The following FHIP1A variants were observed in gnomAD, a reference collection of about 807,000 sequenced individuals.
FHIP1A encodes the protein FHF complex subunit HOOK interacting protein 1A.
In FHIP1A, 61 loss-of-function variants were observed where a neutral mutation model predicts 88.6. That is an observed-to-expected ratio of 0.69 (90% CI 0.56 to 0.85). The LOEUF is 0.85. FHIP1A is among the 40% of genes least tolerant of loss of function. FHIP1A has a pLI of 0.00. For synonymous variants in FHIP1A, 478 were observed against 496.0 expected (o/e 0.96, Z 0.48); for missense variants, 1,154 against 1,273.5 (o/e 0.91, Z 1.43).
chr4:151,471,128 C>T (rs947912821), intron 2 of FHIP1A, among the ~76,000 whole-genome samples: 3 of 152,054 alleles, frequency 2.0e-5, no homozygotes, highest in African/African-American at 7.2e-5. Context: ...ACTCCAGGGC[C>T]ATTTACCAAT....
intron 3 of FHIP1A, among the ~76,000 whole-genome samples, chr4:151,554,881 G>C (rs747877932): frequency 1.4e-4 from 21 of 152,118 alleles, no homozygotes; most frequent in Admixed American, 7.9e-4. Context: ...CTTGTAGTTA[G>C]TGTGCGTAGA....
intron 3 of FHIP1A, among the ~76,000 whole-genome samples, chr4:151,546,227 G>A (rs1427930436): frequency 1.3e-5 from 2 of 152,182 alleles, no homozygotes; most frequent in African/African-American, 4.8e-5. Flanking sequence ...AGGCTCTTCA[G>A]CCTTTGGACT....
At chr4:151,605,214 T>C (rs527973831) in intron 7 of FHIP1A, among the ~76,000 whole-genome samples, 1 of 152,304 alleles carries the variant, frequency 6.6e-6, no homozygotes, top group Non-Finnish European at 1.5e-5. Context: ...TTCTGTCAAA[T>C]GTCTTGTGAA....
chr4:151,457,514 C>T (rs970342510), intron 2 of FHIP1A, among the ~76,000 whole-genome samples: 1 of 152,282 alleles, frequency 6.6e-6, no homozygotes, highest in African/African-American at 2.4e-5. Context: ...CACAAATTCT[C>T]CATGTTCCAG....
intron 1 of FHIP1A, among the ~76,000 whole-genome samples, chr4:151,429,456 T>G (rs1159849459): frequency 6.6e-6 from 1 of 152,212 alleles, no homozygotes; most frequent in East Asian, 1.9e-4. Context: ...CCTCCTTATT[T>G]CATAGCTGCT....
At chr4:151,515,793 T>G (rs1227029880) in intron 3 of FHIP1A, among the ~76,000 whole-genome samples, 1 of 151,732 alleles carries the variant, frequency 6.6e-6, no homozygotes, top group East Asian at 1.9e-4. Context: ...CTCAAGGAAA[T>G]AAAAGAGGAT....
At chr4:151,526,897 C>T (rs1211562246) in intron 3 of FHIP1A, among the ~76,000 whole-genome samples, 3 of 147,818 alleles carry the variant, frequency 2.0e-5, no homozygotes, top group African/African-American at 7.6e-5. Context: ...GGCGGCAGGG[C>T]AGAGGCGCTC....
At chr4:151,418,262 A>G (rs1315420763) in intron 1 of FHIP1A, among the ~76,000 whole-genome samples, 3 of 151,272 alleles carry the variant, frequency 2.0e-5, no homozygotes, top group Non-Finnish European at 1.5e-5. Context: ...AACTGACTTG[A>G]TATTTACCTA....
At chr4:151,463,022 C>T (rs1212126401) in intron 2 of FHIP1A, among the ~76,000 whole-genome samples, 5 of 152,104 alleles carry the variant, frequency 3.3e-5, no homozygotes, top group African/African-American at 7.2e-5. Flanking sequence ...CAGTGTTGGC[C>T]GGTTGAGGGT....
intron 1 of FHIP1A, among the ~76,000 whole-genome samples, chr4:151,411,904 C>G (rs1364771140): frequency 6.6e-6 from 1 of 152,134 alleles, no homozygotes; most frequent in South Asian, 2.1e-4. Flanking sequence ...GAACAGTGCT[C>G]AAGAGTGACA....
At chr4:151,534,154 G>T (rs901208204) in intron 3 of FHIP1A, among the ~76,000 whole-genome samples, 11 of 152,222 alleles carry the variant, frequency 7.2e-5, no homozygotes, top group Admixed American at 2.6e-4. Context: ...GTTAGATAAA[G>T]AGTATCAGAC....
At chr4:151,544,840 G>A (rs1358587550) in intron 3 of FHIP1A, among the ~76,000 whole-genome samples, 1 of 152,174 alleles carries the variant, frequency 6.6e-6, no homozygotes, top group African/African-American at 2.4e-5. Flanking sequence ...AAGTTGGGAG[G>A]CTGAGGCAGG....
At chr4:151,623,521 C>CTTTTTTTTTTTTTT (rs747837424) in intron 7 of FHIP1A, among the ~76,000 whole-genome samples, 1 of 88,222 alleles carries the variant, frequency 1.1e-5, no homozygotes, top group Non-Finnish European at 2.2e-5. Context: ...CTTCCTGGTC[C>CTTTTTTTTTTTTTT]TTTTTTTTTT....
At chr4:151,484,004 G>T (rs553452817) in intron 3 of FHIP1A, among the ~76,000 whole-genome samples, 1 of 152,256 alleles carries the variant, frequency 6.6e-6, no homozygotes, top group East Asian at 1.9e-4. Flanking sequence ...CATTTGTTGG[G>T]TAATGACTTC....
intron 2 of FHIP1A, among the ~76,000 whole-genome samples, chr4:151,475,119 A>G (rs753066741): frequency 6.6e-5 from 10 of 152,160 alleles, no homozygotes; most frequent in Non-Finnish European, 1.2e-4. Context: ...TATAAGCTTC[A>G]GTTTTCTTAT....
chr4:151,437,096 G>A (rs1217113951), intron 1 of FHIP1A, among the ~76,000 whole-genome samples: 1 of 152,122 alleles, frequency 6.6e-6, no homozygotes, highest in Non-Finnish European at 1.5e-5. Context: ...TGGAACTCAT[G>A]GATATGGATA....
chr4:151,639,964 A>G (rs1481529360), intron 9 of FHIP1A, among the ~76,000 whole-genome samples: 4 of 152,182 alleles, frequency 2.6e-5, no homozygotes, highest in African/African-American at 9.7e-5. Context: ...ACATGATTTG[A>G]GTAGAGGTTA....
chr4:151,410,957 G>T (rs1433331123), intron 1 of FHIP1A, among the ~76,000 whole-genome samples: 1 of 152,176 alleles, frequency 6.6e-6, no homozygotes, highest in Non-Finnish European at 1.5e-5. Flanking sequence ...GTGTAGGGTG[G>T]CTGGAAAGGG....
intron 3 of FHIP1A, among the ~76,000 whole-genome samples, chr4:151,554,886 C>T (rs115898679): frequency 1.1e-3 from 166 of 152,146 alleles, no homozygotes; most frequent in African/African-American, 3.9e-3. Flanking sequence ...AGTTAGTGTG[C>T]GTAGATAATT....
Sources: allele counts gnomAD v4.1 joint callset (sites outside exome capture counted in the v4.1 genomes callset), GRCh38; gene constraint gnomAD v4.1.1; transcripts MANE v1.5; gene names NCBI Gene and HGNC (gene_info 2026-07-23, HGNC 2026-07-21).